Variants in FNBP1 observed in about 807,000 individuals in gnomAD.
FNBP1 encodes the protein formin binding protein 1, also known as formin-binding protein 1.
In FNBP1, 26 loss-of-function variants were observed where a neutral mutation model predicts 90.6. The ratio of observed to expected loss-of-function variants is 0.29; its 90% CI spans 0.21 to 0.40. The LOEUF (loss-of-function observed/expected upper bound fraction) is 0.40. FNBP1 is among the 10% of genes least tolerant of loss of function. The pLI is 1.00. For missense variants in FNBP1, 635 were observed against 768.0 expected (o/e 0.83, Z 2.05); for synonymous variants, 260 against 265.2 (o/e 0.98, Z 0.19).
chr9:129,950,265 A>G (rs1025843831), intron 6 of FNBP1, among the ~76,000 whole-genome samples: 5 of 152,234 alleles, frequency 3.3e-5, no homozygotes, highest in African/African-American at 9.6e-5. Flanking sequence ...AAGAATTTCA[A>G]TGTTTAGACA....
chr9:129,900,617 C>T lies in FNBP1; in HGVS notation c.1429-70G>A. 7.4e-7 allele frequency: 1 copy of T among 1,357,450 alleles called. No individual in the cohort carries two copies. Among genetic ancestry groups the T allele is most frequent in the Non-Finnish European group, 9.5e-7 (1 of 1,053,094 alleles). The allele number at this position is 1,357,450 out of a possible 1,614,324, so 84.1% of individuals were successfully genotyped here. Reference sequence around the variant, plus strand: ...GGGTCAGCCCAGAGTGTCCTAAGGTCCCAAAGGCCATCTGAGGGCCAGCCC... The same window carrying T: ...GGGTCAGCCCAGAGTGTCCTAAGGTTCCAAAGGCCATCTGAGGGCCAGCCC... On this transcript the variant is annotated intron_variant, in intron 13 of 16. Transcript: ENST00000446176. The surrounding 1 kb of genome is among the most constrained non-coding windows in gnomAD (Gnocchi z 4.1).
chr9:129,900,283 A>G lies in FNBP1; in HGVS notation c.1550+143T>C, dbSNP rs980372002. 2.3e-5 allele frequency: 26 copies of G among 1,125,470 alleles called. No homozygotes were observed. Among genetic ancestry groups the G allele is most frequent in the Non-Finnish European group, 2.7e-5 (22 of 823,454 alleles). 69.7% of individuals were successfully genotyped at this position (1,125,470 alleles called of 1,614,324 possible). ...CCATGTGGAATTATAAATCTGCATC[A>G]TGGAAAAAGTGACAGGTCAATCGCA... On this transcript the variant is annotated intron_variant, in intron 14 of 16. Coordinates refer to ENST00000446176, the MANE Select transcript of FNBP1 (RefSeq NM_015033.3). This position sits in a 1 kb window ranked among gnomAD's most constrained non-coding sequence, Gnocchi z 4.1.
At chr9:130,015,735 C>A (rs2057165828) in intron 1 of FNBP1, among the ~76,000 whole-genome samples, 1 of 152,180 alleles carries the variant, frequency 6.6e-6, no homozygotes, top group South Asian at 2.1e-4. Context: ...AATGCATTGG[C>A]ACAATTTCGG....
At chr9:130,046,663 G>T (rs1485708587), upstream of FNBP1, among the ~76,000 whole-genome samples, 2 of 150,930 alleles carry the variant, frequency 1.3e-5, no homozygotes, top group Non-Finnish European at 2.9e-5. Context: ...AGCTGCTTGG[G>T]AGACTGAGGC....
intron 1 of FNBP1, among the ~76,000 whole-genome samples, chr9:129,999,583 A>G (rs573801357): frequency 8.6e-5 from 13 of 151,374 alleles, no homozygotes; most frequent in Non-Finnish European, 7.4e-5. Flanking sequence ...GGGGCGACAG[A>G]GTGAGACTCT....
intron 2 of FNBP1, among the ~76,000 whole-genome samples, chr9:129,988,552 C>T (rs1466286666): frequency 6.6e-6 from 1 of 152,086 alleles, no homozygotes; most frequent in Admixed American, 6.6e-5. Context: ...TGGTGTGCGC[C>T]TGTAGTCCCA....
chr9:129,923,501 C>T (rs55969440), intron 10 of FNBP1, among the ~76,000 whole-genome samples: 3,431 of 151,400 alleles, frequency 0.023, 53 homozygotes, highest in Middle Eastern at 0.058. Context: ...ATCGCTTAAA[C>T]CCGGGAGGTG....
intron 6 of FNBP1, among the ~76,000 whole-genome samples, chr9:129,942,062 C>T (rs1356080554): frequency 6.7e-6 from 1 of 149,146 alleles, no homozygotes; most frequent in African/African-American, 2.5e-5. Context: ...CAGTGAGACT[C>T]TGTCTCCAAA....
Position 130,041,563 on chromosome 9 carries a change from G to C in FNBP1, c.24+1389C>G, listed in dbSNP as rs2059819989. ...AGTCATAGATTTTGCCTAAACTGGT[G>C]TGTGCAAATATTTTAAACTATTTTA... On this transcript the variant is annotated intron_variant, in intron 1 of 16. Coordinates refer to ENST00000446176, the MANE Select transcript of FNBP1 (RefSeq NM_015033.3). The surrounding 1 kb of genome is among the most constrained non-coding windows in gnomAD (Gnocchi z 4.3). Among the ~76,000 whole-genome samples, 1 of 152,188 alleles carries C rather than the reference G, an allele frequency of 6.6e-6. No homozygotes were observed. Among genetic ancestry groups the C allele is most frequent in the Non-Finnish European group, 1.5e-5 (1 of 68,036 alleles).
At chr9:129,993,971 C>T (rs538459752) in intron 2 of FNBP1, among the ~76,000 whole-genome samples, 4 of 152,188 alleles carry the variant, frequency 2.6e-5, no homozygotes, top group East Asian at 3.9e-4. Context: ...CAACACATTA[C>T]AGAAGGGAGT....
At chr9:129,943,187 C>T (rs1003064087) in intron 6 of FNBP1, among the ~76,000 whole-genome samples, 16 of 152,084 alleles carry the variant, frequency 1.1e-4, no homozygotes, top group South Asian at 6.2e-4. Context: ...GTCCTGATTC[C>T]GACTTCAGGC....
chr9:130,053,861 C>A, the FNBP1 span: 2 of 1,442,404 alleles, frequency 1.4e-6, no homozygotes, highest in South Asian at 2.5e-5. Context: ...CTCCCCGGGC[C>A]CTTCCGGCGG....
At position 130,031,013 on chromosome 9, in the gene FNBP1, C is replaced by A. The variant is rs763853714; in HGVS notation, c.24+11939G>T. Among the ~76,000 whole-genome samples, 1 of 152,114 alleles carries A rather than the reference C, an allele frequency of 6.6e-6. No individual in the cohort carries two copies. Among genetic ancestry groups the A allele is most frequent in the African/African-American group, 2.4e-5 (1 of 41,414 alleles). ...GCCTATATTTGATTTACCCCACAAGCCAGAGCAGGGAACATGCCTCCCCCT... is the reference window on the plus strand; with the variant it reads ...GCCTATATTTGATTTACCCCACAAGACAGAGCAGGGAACATGCCTCCCCCT... On this transcript the variant is annotated intron_variant, in intron 1 of 16. Coordinates refer to ENST00000446176, the MANE Select transcript of FNBP1 (RefSeq NM_015033.3). The surrounding 1 kb of genome is among the most constrained non-coding windows in gnomAD (Gnocchi z 4.2).
intron 6 of FNBP1, among the ~76,000 whole-genome samples, chr9:129,935,522 C>T (rs2043298091): frequency 6.6e-6 from 1 of 151,888 alleles, no homozygotes; most frequent in Admixed American, 6.6e-5. Flanking sequence ...GAGTCTCACT[C>T]TGTTGCCCAG....
the FNBP1 span, among the ~76,000 whole-genome samples, chr9:130,049,065 C>G: frequency 6.6e-6 from 1 of 152,278 alleles, no homozygotes; most frequent in East Asian, 1.9e-4. Context: ...AGGCATGAGC[C>G]ACCACTCCCG....
chr9:130,022,169 C>T (rs1304688625), intron 1 of FNBP1, among the ~76,000 whole-genome samples: 3 of 151,608 alleles, frequency 2.0e-5, no homozygotes, highest in African/African-American at 7.3e-5. Context: ...TCTTTCTCTT[C>T]TTTTTAATTT....
chr9:129,918,884 A>C (rs997871968), intron 10 of FNBP1: 1 of 176,624 alleles, frequency 5.7e-6, no homozygotes, highest in African/African-American at 2.4e-5. Context: ...AAACAAAAAA[A>C]AAAACAAAAA....
chr9:129,991,379 G>A (rs962815656), intron 2 of FNBP1, among the ~76,000 whole-genome samples: 25 of 151,118 alleles, frequency 1.7e-4, no homozygotes, highest in Non-Finnish European at 1.8e-4. Context: ...TCAAGCATCC[G>A]CCCTCCTCAG....
intron 15 of FNBP1, among the ~76,000 whole-genome samples, chr9:129,899,302 T>C (rs2036406125): frequency 6.6e-6 from 1 of 151,938 alleles, no homozygotes; most frequent in Non-Finnish European, 1.5e-5. Context: ...GGTCTTGAAC[T>C]CCTGGCCTCA....
Sources: allele counts gnomAD v4.1 joint callset (sites outside exome capture counted in the v4.1 genomes callset), GRCh38; gene constraint gnomAD v4.1.1; non-coding constraint Gnocchi (gnomAD v3.1); transcripts MANE v1.5; gene names NCBI Gene and HGNC (gene_info 2026-07-23, HGNC 2026-07-21).